The following EPHB1 variants were observed in gnomAD, a reference collection of about 807,000 sequenced individuals.
The protein encoded by EPHB1 is ephrin type-B receptor 1.
In EPHB1, 30 loss-of-function variants were observed where a neutral mutation model predicts 94.4. The observed-to-expected ratio is 0.32, with a 90% CI of 0.24 to 0.43. The LOEUF is 0.43. EPHB1 is among the 20% of genes least tolerant of loss of function. The pLI is 1.00. For missense variants in EPHB1, 1,055 were observed against 1,308.3 expected (o/e 0.81, Z 2.99); for synonymous variants, 522 against 489.1 (o/e 1.07, Z -0.89).
intron 4 of EPHB1, among the ~76,000 whole-genome samples, chr3:135,132,327 T>C (rs1559844534): frequency 1.3e-5 from 2 of 151,478 alleles, no homozygotes; most frequent in Admixed American, 1.3e-4. Context: ...CCTTGAGTTC[T>C]ACACCAATTA....
intron 3 of EPHB1, among the ~76,000 whole-genome samples, chr3:135,077,368 C>T (rs976103572): frequency 6.6e-6 from 1 of 152,234 alleles, no homozygotes; most frequent in African/African-American, 2.4e-5. Flanking sequence ...ACCATTCCTG[C>T]TCTCTGAACC....
rs184993024 is a variant in EPHB1, at chr3:135,166,985, C to T, written c.1738C>T (p.Gln580Ter). Residue 580 changes from glutamine to a stop codon, truncating the protein, a stop_gained, in exon 9 of 16, where the codon CAG (glutamine) becomes TAG (stop). Coordinates refer to ENST00000398015, the MANE Select transcript of EPHB1 (RefSeq NM_004441.5). LOFTEE classifies it high-confidence loss of function. ...AGAGGCTGTGTACAGCGATAAGCTCCAGCATTACAGCACAGGCCGAGGTAA... is the reference window on the plus strand; with the variant it reads ...AGAGGCTGTGTACAGCGATAAGCTCTAGCATTACAGCACAGGCCGAGGTAA... ...SKEAVYSDKL[Q>*]HYSTGRGSPG... The T allele has an allele frequency of 6.2e-7, 1 of 1,614,152 alleles. No homozygotes were observed. The highest frequency in any genetic ancestry group is 1.7e-5 in the Admixed American group (1 of 60,018).
rs1383944422 is a variant in EPHB1 at position 135,020,283 on chromosome 3, C to T, written c.805+68231C>T. Among the ~76,000 whole-genome samples the T allele has an allele frequency of 2.6e-5, 4 of 152,168 alleles. 1 individual carries two copies. Among genetic ancestry groups the T allele is most frequent in the South Asian group, 4.1e-4 (2 of 4,828 alleles). ...GTTGAGATATAATTCACATACCATA[C>T]AGTTCACCCAATTAAAGTGTACAAT... is the stretch of plus-strand genomic sequence containing the variant. On this transcript the variant is annotated intron_variant, in intron 3 of 15. Coordinates refer to ENST00000398015, the MANE Select transcript of EPHB1 (RefSeq NM_004441.5).
chr3:134,930,797 T>C (rs76488111), intron 2 of EPHB1, among the ~76,000 whole-genome samples: 2,337 of 152,292 alleles, frequency 0.015, 54 homozygotes, highest in African/African-American at 0.053. Flanking sequence ...TCCTGGATGC[T>C]CCTCCCACCA....
At chr3:134,933,896 G>A (rs1352816141) in intron 2 of EPHB1, among the ~76,000 whole-genome samples, 1 of 152,100 alleles carries the variant, frequency 6.6e-6, no homozygotes, top group Non-Finnish European at 1.5e-5. Flanking sequence ...CATGGGTGGT[G>A]TCCTTTCTCT....
intron 3 of EPHB1, among the ~76,000 whole-genome samples, chr3:135,055,750 G>A (rs536560873): frequency 2.6e-5 from 4 of 152,302 alleles, no homozygotes; most frequent in South Asian, 2.1e-4. Context: ...GTGTCAAGTC[G>A]CAACACAAGC....
intron 10 of EPHB1, among the ~76,000 whole-genome samples, chr3:135,182,397 C>T (rs1049125375): frequency 3.9e-5 from 6 of 152,186 alleles, no homozygotes; most frequent in African/African-American, 1.4e-4. Flanking sequence ...CTCTCTCCCT[C>T]CCTACTTCCT....
chr3:135,031,696 C>T (rs1289634621), intron 3 of EPHB1, among the ~76,000 whole-genome samples: 1 of 152,190 alleles, frequency 6.6e-6, no homozygotes, highest in African/African-American at 2.4e-5. Context: ...AATCAAAATT[C>T]TATAATAATA....
chr3:135,006,713 A>G (rs1274770005), intron 3 of EPHB1, among the ~76,000 whole-genome samples: 2 of 152,240 alleles, frequency 1.3e-5, no homozygotes, highest in African/African-American at 2.4e-5. Context: ...ATCCTTGTAC[A>G]ATAGAGTGCT....
At chr3:134,814,639 C>A (rs2036234809) in intron 1 of EPHB1, among the ~76,000 whole-genome samples, 1 of 152,192 alleles carries the variant, frequency 6.6e-6, no homozygotes, top group Non-Finnish European at 1.5e-5. Context: ...GGGGAACCTG[C>A]AGAAAAGCCT....
chr3:135,051,327 G>GCTCT (rs1452538164), intron 3 of EPHB1, among the ~76,000 whole-genome samples: 1 of 152,140 alleles, frequency 6.6e-6, no homozygotes, highest in East Asian at 1.9e-4. Context: ...GCCCACCTTT[G>GCTCT]CTCTGGGCCT....
At chr3:134,858,536 T>C (rs2037174702) in intron 1 of EPHB1, among the ~76,000 whole-genome samples, 1 of 152,170 alleles carries the variant, frequency 6.6e-6, no homozygotes, top group African/African-American at 2.4e-5. Flanking sequence ...ATTTAAAATC[T>C]GTTTCCATCA....
At chr3:135,039,575 C>A (rs994410870) in intron 3 of EPHB1, among the ~76,000 whole-genome samples, 3 of 152,228 alleles carry the variant, frequency 2.0e-5, no homozygotes, top group African/African-American at 7.2e-5. Flanking sequence ...CCCTGCCCCG[C>A]GGGAAGGCAG....
At chr3:135,068,870 A>G (rs1576360006) in intron 3 of EPHB1, among the ~76,000 whole-genome samples, 3 of 151,308 alleles carry the variant, frequency 2.0e-5, no homozygotes, top group Admixed American at 6.6e-5. Context: ...GGATGGTCTC[A>G]ATCTCCTGAC....
intron 3 of EPHB1, among the ~76,000 whole-genome samples, chr3:135,092,774 C>T (rs1364844889): frequency 6.6e-6 from 1 of 152,174 alleles, no homozygotes; most frequent in African/African-American, 2.4e-5. Context: ...TACAGGCATG[C>T]GCCACTACTC....
chr3:134,989,499 A>G lies in EPHB1; in HGVS notation c.805+37447A>G, dbSNP rs923528946. Among the ~76,000 whole-genome samples, 8 of 147,282 alleles carry G rather than the reference A, an allele frequency of 5.4e-5. No homozygotes were observed. The East Asian group carries it at 7.9e-4, about 14-fold the overall frequency. ...CGCCTGCACACGCACGCGCGCGTGC[A>G]CACACACACACACACACACACATAT... On this transcript the variant is annotated intron_variant, in intron 3 of 15. Transcript: ENST00000398015.
intron 1 of EPHB1, among the ~76,000 whole-genome samples, chr3:134,889,302 T>C (rs1270755873): frequency 6.6e-6 from 1 of 151,940 alleles, no homozygotes; most frequent in East Asian, 1.9e-4. Flanking sequence ...TTTAGTAGAT[T>C]GCAAATTCTG....
chr3:134,856,828 TG>T (rs2037131002), intron 1 of EPHB1, among the ~76,000 whole-genome samples: 1 of 152,238 alleles, frequency 6.6e-6, no homozygotes. Flanking sequence ...TTTATTGATG[TG>T]ACTAAAAAAT....
At chr3:135,166,109 A>G (rs746548688) in intron 8 of EPHB1, 33 bp downstream of exon 8, 15 of 1,555,992 alleles carry the variant, frequency 9.6e-6, no homozygotes, top group Non-Finnish European at 1.1e-5. Flanking sequence ...CTCTCCTTGG[A>G]CCCAGGAAGC....
Sources: gnomAD v4.1 joint callset for allele counts (sites outside exome capture counted in the v4.1 genomes callset) on GRCh38, gnomAD v4.1.1 for gene constraint, MANE v1.5 for transcripts, NCBI Gene and HGNC (gene_info 2026-07-23, HGNC 2026-07-21) for gene names.